The following HAT1 variants were observed in gnomAD, a reference collection of about 807,000 sequenced individuals.
HAT1 encodes histone acetyltransferase type B catalytic subunit.
Under a neutral mutation model 56.6 loss-of-function variants are expected in HAT1, and 20 were observed. That is an observed-to-expected ratio of 0.35 (90% CI 0.25 to 0.51). The LOEUF is 0.51. HAT1 is among the 20% of genes least tolerant of loss of function. HAT1 has a pLI of 0.95. For synonymous variants in HAT1, 146 were observed against 165.5 expected (o/e 0.88, Z 0.91); for missense variants, 408 against 504.3 (o/e 0.81, Z 1.83).
Position 171,974,724 on chromosome 2 carries a change from T to C in HAT1, c.824-1433T>C, listed in dbSNP as rs1687917354. 2.0e-5 allele frequency among the ~76,000 whole-genome samples: 3 copies of C among 152,246 alleles called. 1 individual carries two copies. The highest frequency in any genetic ancestry group is 2.0e-4 in the Admixed American group (3 of 15,286). On this transcript the variant is annotated intron_variant, in intron 8 of 10. Coordinates refer to ENST00000264108, the MANE Select transcript of HAT1 (RefSeq NM_003642.4). ...CTATAGCTTTCATATGTGTTAATTA[T>C]GAAATTGAGGCAGTTCCCTTCTATT...
chr2:171,953,009 C>T lies in HAT1; in HGVS notation c.309+8C>T, dbSNP rs2105325165. ...AACTTTGACTGTGTAGAGGTAAGAA[C>T]AGAAATACTTTTTAAACTGTTTTCC... On this transcript the variant is annotated splice_region_variant and intron_variant, in intron 4 of 10. Coordinates refer to ENST00000264108, the MANE Select transcript of HAT1 (RefSeq NM_003642.4). The T allele has an allele frequency of 6.5e-7, 1 of 1,548,192 alleles. No homozygotes were observed. Among genetic ancestry groups the T allele is most frequent in the Non-Finnish European group, 8.8e-7 (1 of 1,141,794 alleles).
Position 171,926,834 on chromosome 2 carries a change from G to A in HAT1, c.112+1193G>A, listed in dbSNP as rs889856751. 3.9e-5 allele frequency among the ~76,000 whole-genome samples: 6 copies of A among 152,146 alleles called. No individual in the cohort carries two copies. In the East Asian group the frequency reaches 9.6e-4, roughly 24 times the overall value. ...AAGAGAAATGAAAATGTATGTTCAC[G>A]CAAAAACTTGTACATGAATGTTCAT... is the stretch of plus-strand genomic sequence containing the variant. On this transcript the variant is annotated intron_variant, in intron 2 of 10. Transcript: ENST00000264108.
intron 2 of HAT1, among the ~76,000 whole-genome samples, chr2:171,931,608 A>C (rs1374675079): frequency 2.0e-5 from 3 of 151,820 alleles, no homozygotes; most frequent in African/African-American, 7.3e-5. Context: ...CAGGAGGTGG[A>C]GGTTGCAGTG....
intron 2 of HAT1, among the ~76,000 whole-genome samples, chr2:171,939,561 A>C (rs902784463): frequency 1.3e-5 from 2 of 152,222 alleles, no homozygotes; most frequent in Non-Finnish European, 2.9e-5. Flanking sequence ...CCAGTGATCT[A>C]CTTTTAGAAA....
intron 1 of HAT1, chr2:171,925,017 A>G (rs1686548706): frequency 6.6e-6 from 1 of 150,478 alleles, no homozygotes; most frequent in African/African-American, 2.4e-5. Context: ...TTCCTAGTTT[A>G]TAAGCCTGTA....
intron 2 of HAT1, among the ~76,000 whole-genome samples, chr2:171,928,787 C>T (rs542241622): frequency 6.6e-6 from 1 of 152,196 alleles, no homozygotes; most frequent in Admixed American, 6.5e-5. Context: ...GGATTACAGG[C>T]GTGAGCCACC....
intron 9 of HAT1, among the ~76,000 whole-genome samples, chr2:171,977,160 G>A (rs185765261): frequency 0.019 from 2,792 of 146,450 alleles, 54 homozygotes; most frequent in Admixed American, 0.069. Context: ...GCGACCGAGC[G>A]AGACTCCATC....
intron 2 of HAT1, among the ~76,000 whole-genome samples, chr2:171,938,381 C>T (rs1219912984): frequency 2.0e-5 from 3 of 152,030 alleles, no homozygotes; most frequent in African/African-American, 4.8e-5. Flanking sequence ...GGGAGGTTTG[C>T]GGGGAATGGT....
chr2:171,926,408 C>G (rs965078116), intron 2 of HAT1, among the ~76,000 whole-genome samples: 1 of 152,240 alleles, frequency 6.6e-6, no homozygotes, highest in African/African-American at 2.4e-5. Context: ...ATTCTCCTGC[C>G]TCAGCCTCCC....
Position 171,932,491 on chromosome 2 carries a change from G to A in HAT1, c.112+6850G>A, listed in dbSNP as rs575097209. Among the ~76,000 whole-genome samples, 6 of 152,220 alleles carry A rather than the reference G, an allele frequency of 3.9e-5. No individual in the cohort carries two copies. In the South Asian group the frequency reaches 1.2e-3, roughly 32 times the overall value. ...TGTTTCTTCTTGTGTCAGTTTTGGT[G>A]ATTTTTGTCTTTTAAAGTATTTCTC... On this transcript the variant is annotated intron_variant, in intron 2 of 10. Coordinates refer to ENST00000264108, the MANE Select transcript of HAT1 (RefSeq NM_003642.4).
intron 4 of HAT1, among the ~76,000 whole-genome samples, chr2:171,956,598 A>G (rs1355979955): frequency 9.2e-5 from 14 of 152,250 alleles, no homozygotes; most frequent in Admixed American, 9.2e-4. Flanking sequence ...GCAACTGGAG[A>G]AAAGGATATC....
chr2:171,946,589 T>C (rs759998291), intron 2 of HAT1, 119 bp from the exon 3 acceptor site: 5 of 656,140 alleles, frequency 7.6e-6, no homozygotes, highest in Non-Finnish European at 5.4e-6. Context: ...ATGACACTTT[T>C]AGTAAGAAAA....
chr2:171,937,487 A>G (rs1686899222), intron 2 of HAT1, among the ~76,000 whole-genome samples: 1 of 152,196 alleles, frequency 6.6e-6, no homozygotes, highest in Non-Finnish European at 1.5e-5. Flanking sequence ...TCTGAAAGGA[A>G]CACACTGTGA....
intron 2 of HAT1, among the ~76,000 whole-genome samples, chr2:171,937,213 A>G (rs1392189940): frequency 2.6e-5 from 4 of 152,172 alleles, no homozygotes; most frequent in Non-Finnish European, 4.4e-5. Context: ...TTAAAAATTG[A>G]TTAAAATAAT....
At chr2:171,955,469 G>A (rs1687416864) in intron 4 of HAT1, among the ~76,000 whole-genome samples, 1 of 151,844 alleles carries the variant, frequency 6.6e-6, no homozygotes, top group South Asian at 2.1e-4. Flanking sequence ...AAATTAGCCG[G>A]GCGTGGTGGC....
intron 3 of HAT1, among the ~76,000 whole-genome samples, chr2:171,948,590 C>G (rs1324981223): frequency 6.6e-6 from 1 of 152,100 alleles, no homozygotes; most frequent in African/African-American, 2.4e-5. Flanking sequence ...TCTAGTAATT[C>G]CTTTATAGCA....
intron 3 of HAT1, among the ~76,000 whole-genome samples, 166 bp from the exon 4 acceptor site, chr2:171,952,715 C>T (rs1019257008): frequency 1.3e-5 from 2 of 151,986 alleles, no homozygotes; most frequent in African/African-American, 4.8e-5. Context: ...CTGAGTTATT[C>T]TATTTTATAG....
intron 9 of HAT1, among the ~76,000 whole-genome samples, chr2:171,978,835 T>C (rs1688054805): frequency 6.6e-6 from 1 of 151,072 alleles, no homozygotes; most frequent in South Asian, 2.1e-4. Context: ...CCAGTAACTC[T>C]AATACTTTGG....
At chr2:171,933,231 A>AT (rs984704071) in intron 2 of HAT1, among the ~76,000 whole-genome samples, 6 of 151,496 alleles carry the variant, frequency 4.0e-5, no homozygotes, top group South Asian at 4.2e-4. Context: ...TAACTTTTGT[A>AT]TTTTTTTTGT....
Sources: gnomAD v4.1 joint callset for allele counts (sites outside exome capture counted in the v4.1 genomes callset) on GRCh38, gnomAD v4.1.1 for gene constraint, MANE v1.5 for transcripts, NCBI Gene and HGNC (gene_info 2026-07-23, HGNC 2026-07-21) for gene names.